SH2D4B: variants seen among roughly 807,000 people sequenced by gnomAD.
The protein encoded by SH2D4B is SH2 domain-containing protein 4B.
In SH2D4B, 45 loss-of-function variants were observed where a neutral mutation model predicts 61.5. That is an observed-to-expected ratio of 0.73 (90% CI 0.58 to 0.94). The LOEUF (loss-of-function observed/expected upper bound fraction) is 0.94. Ranked by LOEUF, SH2D4B falls within the 40% of genes least tolerant of loss-of-function variation. SH2D4B has a pLI of 0.00. For missense variants in SH2D4B, 572 were observed against 574.2 expected, an observed-to-expected ratio of 1.00 and a Z score of 0.04; for synonymous variants, 224 against 220.4, an observed-to-expected ratio of 1.02 and a Z score of -0.14.
intron 6 of SH2D4B, among the ~76,000 whole-genome samples, chr10:80,623,256 C>T (rs1362675716): frequency 2.0e-5 from 3 of 152,194 alleles, no homozygotes; most frequent in Non-Finnish European, 4.4e-5. Flanking sequence ...TATTGCCTTA[C>T]AGTTCTGGAG....
chr10:80,628,129 T>G (rs928999395), intron 6 of SH2D4B, among the ~76,000 whole-genome samples: 1 of 152,182 alleles, frequency 6.6e-6, no homozygotes, highest in African/African-American at 2.4e-5. Context: ...TGATTCATGC[T>G]TAATTCCCAG....
At chr10:80,636,367 C>T (rs558808100) in intron 7 of SH2D4B, among the ~76,000 whole-genome samples, 68 of 152,292 alleles carry the variant, frequency 4.5e-4, no homozygotes, top group African/African-American at 1.5e-3. Context: ...CCTGAGGAAT[C>T]GCCACACTGT....
chr10:80,615,176 C>T (rs1038781427), intron 6 of SH2D4B, among the ~76,000 whole-genome samples: 2 of 152,208 alleles, frequency 1.3e-5, no homozygotes, highest in African/African-American at 4.8e-5. Context: ...TGCTGCTGAC[C>T]TTTGCCATCC....
At chr10:80,563,358 A>G (rs888388189) in intron 1 of SH2D4B, among the ~76,000 whole-genome samples, 3 of 152,092 alleles carry the variant, frequency 2.0e-5, no homozygotes, top group Non-Finnish European at 2.9e-5. Flanking sequence ...ACCCTTTATC[A>G]GATGTATGGT....
chr10:80,538,778 G>T lies in SH2D4B; in HGVS notation c.184+263G>T, dbSNP rs1280081222. On this transcript the variant is annotated intron_variant, in intron 1 of 7. Coordinates refer to ENST00000646907, the MANE Select transcript of SH2D4B (RefSeq NM_001388272.1). This position sits in a 1 kb window ranked among gnomAD's most constrained non-coding sequence, Gnocchi z 4.8. ...GAGTTGGGACTTGCTTTGTCTTGTT[G>T]TGGAAGGCCCGAGTTCTGGGAAGAC... is the stretch of plus-strand genomic sequence containing the variant. Among the ~76,000 whole-genome samples, 1 of 152,200 alleles carries T rather than the reference G, an allele frequency of 6.6e-6. No homozygotes were observed. Among genetic ancestry groups the T allele is most frequent in the Non-Finnish European group, 1.5e-5 (1 of 68,032 alleles).
intron 4 of SH2D4B, among the ~76,000 whole-genome samples, chr10:80,599,148 A>G (rs1458107848): frequency 6.6e-6 from 1 of 152,142 alleles, no homozygotes; most frequent in Non-Finnish European, 1.5e-5. Context: ...AGTGCGCACC[A>G]GAGTCGGGGT....
chr10:80,591,729 G>A, intron 4 of SH2D4B, among the ~76,000 whole-genome samples: 1 of 152,050 alleles, frequency 6.6e-6, no homozygotes, highest in South Asian at 2.1e-4. Context: ...TGGAACTCCT[G>A]ACCTCAGGTG....
intron 3 of SH2D4B, 33 bp from the exon 4 acceptor site, chr10:80,588,597 A>G (rs1245183878): frequency 1.2e-6 from 2 of 1,609,212 alleles, no homozygotes; most frequent in Non-Finnish European, 1.7e-6. Flanking sequence ...TGTTGTGGTC[A>G]TCTCGTGTTG....
chr10:80,576,667 C>T (rs182462712), intron 3 of SH2D4B, among the ~76,000 whole-genome samples: 1 of 152,256 alleles, frequency 6.6e-6, no homozygotes, highest in African/African-American at 2.4e-5. Context: ...TTTGCCCCTC[C>T]TCCCTTTGAG....
chr10:80,586,195 C>T (rs1240705652), intron 3 of SH2D4B, among the ~76,000 whole-genome samples: 1 of 152,166 alleles, frequency 6.6e-6, no homozygotes, highest in African/African-American at 2.4e-5. Context: ...GCCTCCACGA[C>T]GAGCGCCGCC....
At chr10:80,604,664 TC>T (rs1461439552) in intron 5 of SH2D4B, among the ~76,000 whole-genome samples, 2 of 152,072 alleles carry the variant, frequency 1.3e-5, no homozygotes, top group Admixed American at 1.3e-4. Context: ...TCCCACCCTT[TC>T]CTTTCTTGTC....
At chr10:80,550,487 G>A (rs1452645075) in intron 1 of SH2D4B, among the ~76,000 whole-genome samples, 4 of 152,062 alleles carry the variant, frequency 2.6e-5, no homozygotes, top group Non-Finnish European at 4.4e-5. Flanking sequence ...CCAGCTACTC[G>A]GGAGGCTGAG....
chr10:80,556,315 C>T (rs1052268437), intron 1 of SH2D4B, among the ~76,000 whole-genome samples: 3 of 152,204 alleles, frequency 2.0e-5, no homozygotes, highest in Non-Finnish European at 4.4e-5. Context: ...ACAAATACCA[C>T]ATTGGCTGTT....
intron 6 of SH2D4B, among the ~76,000 whole-genome samples, chr10:80,625,632 G>A (rs1227160220): frequency 6.6e-6 from 1 of 150,458 alleles, no homozygotes; most frequent in Admixed American, 6.6e-5. Context: ...GGGTGCAGTG[G>A]TGTGATCTTG....
intron 4 of SH2D4B, among the ~76,000 whole-genome samples, chr10:80,601,492 T>C (rs949002783): frequency 6.6e-6 from 1 of 152,220 alleles, no homozygotes; most frequent in African/African-American, 2.4e-5. Context: ...AATACTTAAA[T>C]TGAGTCCAAT....
At chr10:80,642,968 A>G (rs1386079602) in intron 7 of SH2D4B, 1 of 152,650 alleles carries the variant, frequency 6.6e-6, no homozygotes, top group East Asian at 1.9e-4. Context: ...ATGGGCAGAC[A>G]ATCTACTGTG....
At position 80,609,463 on chromosome 10, in the gene SH2D4B, T is replaced by C. The variant is rs17107368; in HGVS notation, c.900T>C (p.Asp300=). 1.2e-6 allele frequency: 2 copies of C among 1,614,048 alleles called. No individual in the cohort carries two copies. The highest frequency in any genetic ancestry group is 1.1e-5 in the South Asian group (1 of 91,078). Residue 300 remains aspartate (D), a synonymous_variant, in exon 6 of 8, where the codon GAT becomes GAC. Coordinates refer to ENST00000646907, the MANE Select transcript of SH2D4B (RefSeq NM_001388272.1). ...GCCCGCTGCGCCCAGTCTCCAGAGA[T>C]GTCATCGTCCGCTGGTTTAAGGAGG... is the stretch of plus-strand genomic sequence containing the variant. The part of the protein sequence containing the change: ...WERPLRPVSR[D]VIVRWFKEEQ...
chr10:80,589,089 T>C (rs7910556), intron 4 of SH2D4B, among the ~76,000 whole-genome samples: 2,496 of 152,056 alleles, frequency 0.016, 70 homozygotes, highest in African/African-American at 0.056. Flanking sequence ...CTGCAACTTC[T>C]GTCTCCCAGG....
chr10:80,577,153 A>G lies in SH2D4B; in HGVS notation c.495+5575A>G, dbSNP rs149912442. On this transcript the variant is annotated intron_variant, in intron 3 of 7. Coordinates refer to ENST00000646907, the MANE Select transcript of SH2D4B (RefSeq NM_001388272.1). ...GATGCTCATTTTTGGAAGCTGTCCT[A>G]TAAGAATCCCTACTACCCTACACTA... 6.2e-3 allele frequency among the ~76,000 whole-genome samples: 944 copies of G among 152,316 alleles called. 11 individuals are homozygous for G. The highest frequency in any genetic ancestry group is 0.021 in the African/African-American group (891 of 41,572).
Sources: gnomAD v4.1 joint callset for allele counts (sites outside exome capture counted in the v4.1 genomes callset) on GRCh38, gnomAD v4.1.1 for gene constraint, Gnocchi (gnomAD v3.1) non-coding constraint, MANE v1.5 for transcripts, NCBI Gene and HGNC (gene_info 2026-07-23, HGNC 2026-07-21) for gene names.